The following CELF2 variants were observed in gnomAD, a reference collection of about 807,000 sequenced individuals.
CELF2 encodes the protein CUGBP Elav-like family member 2, also known as CUG triplet repeat RNA-binding protein 2.
Under a neutral mutation model 62.6 loss-of-function variants are expected in CELF2, and 8 were observed. The ratio of observed to expected loss-of-function variants is 0.13; its 90% CI spans 0.07 to 0.23. The LOEUF is 0.23. CELF2 is among the 10% of genes least tolerant of loss of function. The probability of loss-of-function intolerance (pLI) is 1.00; values close to 1 mark genes in which losing one functional copy is unlikely to be tolerated. For synonymous variants in CELF2, 258 were observed against 250.0 expected (o/e 1.03, Z -0.30); for missense variants, 333 against 671.0 (o/e 0.50, Z 5.56).
At chr10:11,167,138 G>A (rs993645908) in intron 2 of CELF2, among the ~76,000 whole-genome samples, 7 of 152,190 alleles carry the variant, frequency 4.6e-5, no homozygotes, top group African/African-American at 9.7e-5. Context: ...ACAAATGAGC[G>A]CAATATTAAA....
chr10:11,083,109 AT>A (rs1210922662), intron 1 of CELF2, among the ~76,000 whole-genome samples: 1 of 152,090 alleles, frequency 6.6e-6, no homozygotes, highest in Non-Finnish European at 1.5e-5. Flanking sequence ...TTCGGTTGTG[AT>A]TGTTATCTTA....
At chr10:11,294,475 T>C (rs1296012991) in intron 9 of CELF2, among the ~76,000 whole-genome samples, 1 of 152,234 alleles carries the variant, frequency 6.6e-6, no homozygotes, top group East Asian at 1.9e-4. Flanking sequence ...TTTTTCTTCT[T>C]ACACCCATCT....
At chr10:10,942,052 T>C (rs1373736017) in intron 2 of CELF2, among the ~76,000 whole-genome samples, 2 of 152,028 alleles carry the variant, frequency 1.3e-5, no homozygotes, top group African/African-American at 4.8e-5. Flanking sequence ...TTTGTTATCA[T>C]GTATCATGCT....
At chr10:11,139,650 TG>T (rs1267596858) in intron 1 of CELF2, among the ~76,000 whole-genome samples, 2 of 152,214 alleles carry the variant, frequency 1.3e-5, no homozygotes, top group East Asian at 3.9e-4. Context: ...GTGCAATTAA[TG>T]TATACATCTT....
Position 11,224,527 on chromosome 10 carries a change from G to A in CELF2, c.354+7020G>A, listed in dbSNP as rs910061330. 2.0e-5 allele frequency among the ~76,000 whole-genome samples: 3 copies of A among 152,162 alleles called. No individual in the cohort carries two copies. The highest frequency in any genetic ancestry group is 4.4e-5 in the Non-Finnish European group (3 of 68,038). On this transcript the variant is annotated intron_variant, in intron 3 of 12. Transcript: ENST00000633077. The surrounding 1 kb of genome is among the most constrained non-coding windows in gnomAD (Gnocchi z 4.5). ...ATTTCAAAAGAAGATTGTGGGGGAGGCGGGGGATCCATGAATTTGATTAAA... is the reference window on the plus strand; with the variant it reads ...ATTTCAAAAGAAGATTGTGGGGGAGACGGGGGATCCATGAATTTGATTAAA...
intron 2 of CELF2, among the ~76,000 whole-genome samples, chr10:11,182,840 G>GCCTTT: frequency 6.6e-6 from 1 of 152,136 alleles, no homozygotes; most frequent in Middle Eastern, 3.2e-3. Flanking sequence ...CCTGACTGCT[G>GCCTTT]CCTTTCCTTT....
chr10:10,541,170 G>C, the CELF2 span, among the ~76,000 whole-genome samples: 1 of 150,716 alleles, frequency 6.6e-6, no homozygotes, highest in Non-Finnish European at 1.5e-5. Context: ...GAGAACCCGG[G>C]AGGCGGAGCT....
rs1490641132 is a variant in CELF2, at chr10:11,214,294, AT to A, written c.272-3125del. Among the ~76,000 whole-genome samples, 1 of 152,136 alleles carries A rather than the reference AT, an allele frequency of 6.6e-6. No homozygotes were observed. The highest frequency in any genetic ancestry group is 6.5e-5 in the Admixed American group (1 of 15,270). ...GACATCCTGTCTCAAAAATAAATAAATTTTTTAATGATGAAACTAACTAAGG... is the reference window on the plus strand; with the variant it reads ...GACATCCTGTCTCAAAAATAAATAAATTTTTAATGATGAAACTAACTAAGG... On this transcript the variant is annotated intron_variant, in intron 2 of 12. Coordinates refer to ENST00000633077, the MANE Select transcript of CELF2 (RefSeq NM_001326342.2). The surrounding 1 kb of genome is among the most constrained non-coding windows in gnomAD (Gnocchi z 4.2).
At position 11,257,623 on chromosome 10, in the gene CELF2, G is replaced by C. The variant is rs1176559915; in HGVS notation, c.404-115G>C. On this transcript the variant is annotated intron_variant, in intron 4 of 12. Coordinates refer to ENST00000633077, the MANE Select transcript of CELF2 (RefSeq NM_001326342.2). Reference sequence around the variant, plus strand: ...GCTGGACGTCTGCAGAGTTGGCCTTGGGACACGTGCTTGGTCTCACATGGC... The same window carrying C: ...GCTGGACGTCTGCAGAGTTGGCCTTCGGACACGTGCTTGGTCTCACATGGC... 3 of 1,196,298 alleles carry C rather than the reference G, an allele frequency of 2.5e-6. No individual in the cohort carries two copies. In the East Asian group the frequency reaches 7.5e-5, roughly 30 times the overall value. 74.1% of individuals were successfully genotyped at this position (1,196,298 alleles called of 1,614,324 possible). A position where few individuals can be genotyped will look rare whatever the true frequency, so the allele number is the denominator to read the frequency against.
chr10:10,875,171 TA>T (rs1295225336), intron 1 of CELF2, among the ~76,000 whole-genome samples: 6 of 152,220 alleles, frequency 3.9e-5, no homozygotes, highest in African/African-American at 7.2e-5. Context: ...GAATTCAATT[TA>T]AAATAAAATC....
At position 10,944,569 on chromosome 10, in the gene CELF2, C is replaced by A. The variant is rs139631211; in HGVS notation, c.89+24570C>A. Among the ~76,000 whole-genome samples the A allele has an allele frequency of 1.6e-4, 25 of 152,130 alleles. No individual in the cohort carries two copies. In the South Asian group the frequency reaches 5.2e-3, roughly 32 times the overall value. On this transcript the variant is annotated intron_variant, in intron 2 of 13. Coordinates refer to the CELF2 transcript ENST00000636488. Reference sequence around the variant, plus strand: ...GTCCCCTCACAAGAATGGTAGTGAGCGGCACAGAATAAACTTGGAGGGAGG... The same window carrying A: ...GTCCCCTCACAAGAATGGTAGTGAGAGGCACAGAATAAACTTGGAGGGAGG...
chr10:11,084,517 G>A (rs1204815862), intron 1 of CELF2, among the ~76,000 whole-genome samples: 20 of 152,188 alleles, frequency 1.3e-4, no homozygotes, highest in Admixed American at 1.3e-3. Flanking sequence ...AATTTCACTT[G>A]GGCTTCAAGA....
chr10:11,176,020 G>T (rs538818509), intron 2 of CELF2, among the ~76,000 whole-genome samples: 1 of 152,164 alleles, frequency 6.6e-6, no homozygotes, highest in Non-Finnish European at 1.5e-5. Context: ...TTGTGCGCGT[G>T]TGTTTTCTGT....
intron 1 of CELF2, among the ~76,000 whole-genome samples, chr10:11,028,175 G>A (rs1024648062): frequency 2.6e-5 from 4 of 152,138 alleles, no homozygotes; most frequent in Non-Finnish European, 5.9e-5. Context: ...TGATTGAGAA[G>A]TTCAATGAAG....
At chr10:10,846,072 A>G (rs1211964360) in intron 1 of CELF2, 5 of 984,584 alleles carry the variant, frequency 5.1e-6, no homozygotes, top group Non-Finnish European at 6.0e-6. Context: ...GACTTTTGTG[A>G]TTCGATCAGA....
intron 1 of CELF2, among the ~76,000 whole-genome samples, chr10:11,135,962 A>G (rs2060369918): frequency 6.6e-6 from 1 of 152,220 alleles, no homozygotes; most frequent in Non-Finnish European, 1.5e-5. Context: ...TGAGTAACTC[A>G]TGGCCCTTTG....
At chr10:10,492,474 T>C in the CELF2 span, among the ~76,000 whole-genome samples, 1 of 152,088 alleles carries the variant, frequency 6.6e-6, no homozygotes, top group Admixed American at 6.6e-5. Context: ...TATATATATA[T>C]GCAAGCTGCA....
the CELF2 span, among the ~76,000 whole-genome samples, chr10:10,692,071 G>A: frequency 4.0e-5 from 6 of 150,728 alleles, no homozygotes; most frequent in African/African-American, 1.5e-4. Flanking sequence ...TTTTAGACAT[G>A]AAGTCCTTGC....
Position 10,952,464 on chromosome 10 carries a change from A to G in CELF2, c.89+32465A>G, listed in dbSNP as rs527524802. ...AAGAGAAGAAAGACAGTGAGCGAGC[A>G]AGGAAGTCAGGAATGAAGGCTTCCA... On this transcript the variant is annotated intron_variant, in intron 2 of 13. Transcript: ENST00000636488. Among the ~76,000 whole-genome samples the G allele has an allele frequency of 1.4e-4, 22 of 152,348 alleles. No homozygotes were observed. In the South Asian group the frequency reaches 4.3e-3, roughly 30 times the overall value.
Sources: allele counts gnomAD v4.1 joint callset (sites outside exome capture counted in the v4.1 genomes callset), GRCh38; gene constraint gnomAD v4.1.1; non-coding constraint Gnocchi (gnomAD v3.1); transcripts MANE v1.5; gene names NCBI Gene and HGNC (gene_info 2026-07-23, HGNC 2026-07-21).